The following EEPD1 variants were observed in gnomAD, a reference collection of about 807,000 sequenced individuals.
EEPD1 encodes the protein endonuclease/exonuclease/phosphatase family domain containing 1, also known as endonuclease/exonuclease/phosphatase family domain-containing protein 1.
In EEPD1, 17 loss-of-function variants were observed where a neutral mutation model predicts 46.3. The ratio of observed to expected loss-of-function variants is 0.37; its 90% confidence interval spans 0.25 to 0.55. EEPD1 has a LOEUF of 0.55. Ranked by LOEUF, EEPD1 falls within the 20% of genes least tolerant of loss-of-function variation. The probability of loss-of-function intolerance (pLI) is 0.83; values close to 1 mark genes in which losing one functional copy is unlikely to be tolerated. For missense variants in EEPD1, 673 were observed against 745.6 expected (o/e 0.90, Z 1.13); for synonymous variants, 313 against 315.6 (o/e 0.99, Z 0.09).
intron 2 of EEPD1, among the ~76,000 whole-genome samples, chr7:36,182,944 T>C (rs1263052108): frequency 6.6e-6 from 1 of 152,204 alleles, no homozygotes; most frequent in Non-Finnish European, 1.5e-5. Flanking sequence ...CATGTGACCT[T>C]TGACCCCTTC....
intron 3 of EEPD1, among the ~76,000 whole-genome samples, chr7:36,278,260 A>G (rs980060119): frequency 6.6e-6 from 1 of 152,068 alleles, no homozygotes; most frequent in Non-Finnish European, 1.5e-5. Context: ...TCCCATCAAA[A>G]TGGTGTTGCC....
chr7:36,274,581 G>T (rs1156252160), intron 3 of EEPD1, among the ~76,000 whole-genome samples: 2 of 152,110 alleles, frequency 1.3e-5, no homozygotes, highest in East Asian at 3.9e-4. Context: ...TGGGGTACAC[G>T]TGCAGGATGT....
chr7:36,171,094 A>AT (rs140780008), intron 2 of EEPD1, among the ~76,000 whole-genome samples: 1,674 of 151,906 alleles, frequency 0.011, 14 homozygotes, highest in Non-Finnish European at 0.017. Flanking sequence ...GCTAATTATT[A>AT]TTTTTTTATG....
Position 36,236,157 on chromosome 7 carries a change from C to T in EEPD1, c.879-2828C>T, listed in dbSNP as rs189458739. 3.9e-5 allele frequency among the ~76,000 whole-genome samples: 6 copies of T among 152,358 alleles called. No homozygotes were observed. The East Asian group carries it at 1.2e-3, about 29-fold the overall frequency. On this transcript the variant is annotated intron_variant, in intron 2 of 7. Coordinates refer to ENST00000242108, the MANE Select transcript of EEPD1 (RefSeq NM_030636.3). Reference sequence around the variant, plus strand: ...TGACAACATGCTAGCAGCCCTCGCTCACTCTCGGCTCCGCCTCGGCGTCCG... The same window carrying T: ...TGACAACATGCTAGCAGCCCTCGCTTACTCTCGGCTCCGCCTCGGCGTCCG...
At chr7:36,179,674 A>T (rs1785238729) in intron 2 of EEPD1, among the ~76,000 whole-genome samples, 1 of 149,180 alleles carries the variant, frequency 6.7e-6, no homozygotes, top group East Asian at 2.0e-4. Context: ...AGCCTGGCCA[A>T]CATGGTAAAA....
chr7:36,290,453 CA>C (rs1325963770), intron 6 of EEPD1, among the ~76,000 whole-genome samples: 2 of 152,114 alleles, frequency 1.3e-5, no homozygotes, highest in African/African-American at 4.8e-5. Context: ...TCAGCCTGCC[CA>C]GGTCTAACAA....
chr7:36,270,359 G>A (rs1787083786), intron 3 of EEPD1, among the ~76,000 whole-genome samples: 1 of 152,006 alleles, frequency 6.6e-6, no homozygotes. Context: ...TGCAGAACGT[G>A]CAGGTTTGTT....
At chr7:36,246,779 C>T (rs915523322) in intron 3 of EEPD1, among the ~76,000 whole-genome samples, 3 of 152,108 alleles carry the variant, frequency 2.0e-5, no homozygotes, top group Non-Finnish European at 2.9e-5. Context: ...TCTTAGAGTG[C>T]TTTACATGTG....
At chr7:36,224,916 C>T (rs748314871) in intron 2 of EEPD1, among the ~76,000 whole-genome samples, 9 of 151,940 alleles carry the variant, frequency 5.9e-5, no homozygotes, top group Non-Finnish European at 7.4e-5. Context: ...TATGTGGGCC[C>T]TAATTGCAAT....
intron 3 of EEPD1, among the ~76,000 whole-genome samples, chr7:36,252,403 C>G (rs566047651): frequency 2.0e-5 from 3 of 152,196 alleles, no homozygotes; most frequent in South Asian, 4.2e-4. Flanking sequence ...TTTTGCTGGC[C>G]TGTCATGGTG....
intron 2 of EEPD1, among the ~76,000 whole-genome samples, chr7:36,234,369 A>C (rs899008410): frequency 6.6e-6 from 1 of 152,132 alleles, no homozygotes; most frequent in Non-Finnish European, 1.5e-5. Flanking sequence ...ATTAAGGTGA[A>C]CTTAAAAATT....
chr7:36,242,313 C>A (rs574851826), intron 3 of EEPD1, among the ~76,000 whole-genome samples: 2 of 152,190 alleles, frequency 1.3e-5, no homozygotes, highest in Admixed American at 1.3e-4. Flanking sequence ...TCTCTCTCCC[C>A]GAGTCTGCTG....
At chr7:36,238,879 A>G in intron 2 of EEPD1, 106 bp from the exon 3 acceptor site, 1 of 1,091,182 alleles carries the variant, frequency 9.2e-7, no homozygotes, top group Non-Finnish European at 1.3e-6. Context: ...GTGACATAGA[A>G]ATGCAGGATG....
At chr7:36,180,238 G>T (rs1464822530) in intron 2 of EEPD1, among the ~76,000 whole-genome samples, 2 of 152,246 alleles carry the variant, frequency 1.3e-5, no homozygotes, top group African/African-American at 4.8e-5. Context: ...CCTCCTGTGC[G>T]TGGGCATGAA....
intron 2 of EEPD1, among the ~76,000 whole-genome samples, chr7:36,171,358 A>G (rs1454217519): frequency 6.6e-6 from 1 of 152,254 alleles, no homozygotes; most frequent in Non-Finnish European, 1.5e-5. Flanking sequence ...TTGCTGGCTT[A>G]AAACAAACCA....
rs1583483423 is a variant in EEPD1, at chr7:36,297,000, G to A, written c.1323G>A (p.Lys441=). The change falls in exon 7 of 8, where the codon AAG becomes AAA. Residue 441 remains lysine, a synonymous_variant. Coordinates refer to ENST00000242108, the MANE Select transcript of EEPD1 (RefSeq NM_030636.3). ...TCTTCCTTCCACTTCCAGGAGAAAAGGATGTCATTATCTTAGGGGATTTTG... is the reference window on the plus strand; with the variant it reads ...TCTTCCTTCCACTTCCAGGAGAAAAAGATGTCATTATCTTAGGGGATTTTG... ...QTLQETLKGE[K]DVIILGDFGQ... is the part of the protein sequence containing the mutation. The A allele has an allele frequency of 6.2e-7, 1 of 1,613,924 alleles. No homozygotes were observed. Among genetic ancestry groups the A allele is most frequent in the Non-Finnish European group, 8.5e-7 (1 of 1,179,866 alleles).
intron 2 of EEPD1, among the ~76,000 whole-genome samples, chr7:36,163,969 C>G (rs1216800512): frequency 3.3e-5 from 5 of 151,536 alleles, no homozygotes; most frequent in Admixed American, 6.6e-5. Context: ...GCATTCTAGG[C>G]TAGATGCTTT....
chr7:36,213,406 T>G (rs1322052988), intron 2 of EEPD1, among the ~76,000 whole-genome samples: 1 of 152,036 alleles, frequency 6.6e-6, no homozygotes, highest in Non-Finnish European at 1.5e-5. Flanking sequence ...TTTACCATGT[T>G]GAGTTTGAAG....
chr7:36,285,242 A>G (rs973863786), intron 5 of EEPD1, among the ~76,000 whole-genome samples: 1 of 152,190 alleles, frequency 6.6e-6, no homozygotes, highest in Admixed American at 6.5e-5. Context: ...GCACTGGTTC[A>G]CAAGGCCAGG....
Sources: allele counts gnomAD v4.1 joint callset (sites outside exome capture counted in the v4.1 genomes callset), GRCh38; gene constraint gnomAD v4.1.1; transcripts MANE v1.5; gene names NCBI Gene and HGNC (gene_info 2026-07-23, HGNC 2026-07-21).